BCAS3: variants seen among roughly 807,000 people sequenced by gnomAD.
BCAS3 encodes the protein BCAS3 microtubule associated cell migration factor.
BCAS3 carries 53 observed loss-of-function variants against 116.1 expected under a neutral mutation model. The observed-to-expected ratio is 0.46, with a 90% CI of 0.37 to 0.57. BCAS3 has a LOEUF of 0.57. Among genes scored for constraint, BCAS3 ranks in the 20% least tolerant of loss-of-function variants. The probability of loss-of-function intolerance (pLI) is 0.00; values close to 1 mark genes in which losing one functional copy is unlikely to be tolerated. For missense variants in BCAS3, 917 were observed against 1,165.4 expected (o/e 0.79, Z 3.10); for synonymous variants, 391 against 408.2 (o/e 0.96, Z 0.51).
intron 22 of BCAS3, among the ~76,000 whole-genome samples, chr17:61,190,526 CA>C (rs71148387): frequency 5.3e-3 from 231 of 43,892 alleles, no homozygotes; most frequent in African/African-American, 7.0e-3. Flanking sequence ...GACTCCATCT[CA>C]AAAAAAAAAA....
intron 14 of BCAS3, among the ~76,000 whole-genome samples, chr17:60,979,911 A>G (rs1412418855): frequency 1.3e-5 from 2 of 151,984 alleles, no homozygotes; most frequent in Non-Finnish European, 2.9e-5. Flanking sequence ...TATTTTATTG[A>G]GGATTTTTGC....
chr17:60,845,730 C>T (rs2052455758), intron 7 of BCAS3, among the ~76,000 whole-genome samples: 1 of 151,712 alleles, frequency 6.6e-6, no homozygotes, highest in Non-Finnish European at 1.5e-5. Flanking sequence ...ACCCTGTGTT[C>T]TATTCTCTTG....
At position 61,363,363 on chromosome 17, in the gene BCAS3, A is replaced by G. The variant is rs1272022380; in HGVS notation, c.2426-4964A>G. Among the ~76,000 whole-genome samples, 1 of 152,072 alleles carries G rather than the reference A, an allele frequency of 6.6e-6. No homozygotes were observed. Among genetic ancestry groups the G allele is most frequent in the Non-Finnish European group, 1.5e-5 (1 of 68,008 alleles). ...CGGTAGTTGAGCAGGTAAGACTTGAACTCATTCTTAGAAAATAGTATTCAG... is the reference window on the plus strand; with the variant it reads ...CGGTAGTTGAGCAGGTAAGACTTGAGCTCATTCTTAGAAAATAGTATTCAG... On this transcript the variant is annotated intron_variant, in intron 22 of 23. Coordinates refer to ENST00000407086, the MANE Select transcript of BCAS3 (RefSeq NM_017679.5). This position sits in a 1 kb window ranked among gnomAD's most constrained non-coding sequence, Gnocchi z 4.9.
chr17:61,366,097 C>T lies in BCAS3; in HGVS notation c.2426-2230C>T, dbSNP rs541187297. Among the ~76,000 whole-genome samples the T allele has an allele frequency of 2.0e-5, 3 of 150,624 alleles. No homozygotes were observed. The highest frequency in any genetic ancestry group is 4.4e-5 in the Non-Finnish European group (3 of 67,872). Reference sequence around the variant, plus strand: ...GGCAGAGGTTGCCGTGAGCCAAGATCATACCACTGCACTCCATCCTGGGCG... The same window carrying T: ...GGCAGAGGTTGCCGTGAGCCAAGATTATACCACTGCACTCCATCCTGGGCG... On this transcript the variant is annotated intron_variant, in intron 22 of 23. Coordinates refer to ENST00000407086, the MANE Select transcript of BCAS3 (RefSeq NM_017679.5). This position sits in a 1 kb window ranked among gnomAD's most constrained non-coding sequence, Gnocchi z 4.5.
chr17:60,911,242 C>T lies in BCAS3; in HGVS notation c.993+540C>T, dbSNP rs2058494693. 4.0e-5 allele frequency among the ~76,000 whole-genome samples: 6 copies of T among 148,366 alleles called. No individual in the cohort carries two copies. In the Admixed American group the frequency reaches 4.2e-4, roughly 10 times the overall value. On this transcript the variant is annotated intron_variant, in intron 12 of 23. Transcript: ENST00000407086. ...GATTCAGCGGATTCTCCTGCCTCAG[C>T]CTCCCGAGTAGCTGGGATTATAGGC...
chr17:60,732,595 C>A (rs1196380404), intron 5 of BCAS3, among the ~76,000 whole-genome samples: 1 of 152,066 alleles, frequency 6.6e-6, no homozygotes, highest in Non-Finnish European at 1.5e-5. Context: ...AATCCCAGCA[C>A]TTTGGGAGGC....
chr17:61,249,789 T>C lies in BCAS3; in HGVS notation c.2426-118538T>C, dbSNP rs2048234287. 6.6e-6 allele frequency among the ~76,000 whole-genome samples: 1 copy of C among 151,924 alleles called. No homozygotes were observed. The highest frequency in any genetic ancestry group is 2.1e-4 in the South Asian group (1 of 4,828). On this transcript the variant is annotated intron_variant, in intron 22 of 23. Coordinates refer to ENST00000407086, the MANE Select transcript of BCAS3 (RefSeq NM_017679.5). The surrounding 1 kb of genome is among the most constrained non-coding windows in gnomAD (Gnocchi z 6.2). ...TTGATAATTACTACACCTTAATCTGTTATCTGTCAAAAGGGAAAAAACTTT... is the reference window on the plus strand; with the variant it reads ...TTGATAATTACTACACCTTAATCTGCTATCTGTCAAAAGGGAAAAAACTTT...
At chr17:61,024,286 A>G (rs367742907) in intron 16 of BCAS3, among the ~76,000 whole-genome samples, 1 of 152,200 alleles carries the variant, frequency 6.6e-6, no homozygotes, top group Non-Finnish European at 1.5e-5. Context: ...TGTATATGGC[A>G]GAGGTCTAGC....
intron 7 of BCAS3, among the ~76,000 whole-genome samples, chr17:60,854,059 C>G (rs979060525): frequency 5.9e-5 from 9 of 151,704 alleles, no homozygotes; most frequent in African/African-American, 2.2e-4. Flanking sequence ...CCTCCCCCAA[C>G]CCCACGACAG....
intron 6 of BCAS3, among the ~76,000 whole-genome samples, chr17:60,801,870 C>A (rs983821417): frequency 6.6e-6 from 1 of 152,096 alleles, no homozygotes; most frequent in African/African-American, 2.4e-5. Flanking sequence ...TCTGTTCTCT[C>A]TTTTGGAACT....
chr17:60,944,105 C>A (rs1456993548), intron 13 of BCAS3, among the ~76,000 whole-genome samples: 1 of 151,486 alleles, frequency 6.6e-6, no homozygotes, highest in Admixed American at 6.6e-5. Context: ...GAACCCAAAA[C>A]AAGGAGAATA....
chr17:60,977,748 C>T (rs1166411987), intron 14 of BCAS3, among the ~76,000 whole-genome samples: 3 of 149,922 alleles, frequency 2.0e-5, no homozygotes, highest in South Asian at 4.2e-4. Context: ...TGAGAATATG[C>T]GTGTTTGGCT....
intron 8 of BCAS3, among the ~76,000 whole-genome samples, chr17:60,871,237 T>C (rs1436220973): frequency 2.0e-5 from 3 of 152,208 alleles, no homozygotes; most frequent in Admixed American, 6.5e-5. Context: ...CCATCACGGC[T>C]CACTGCATCC....
intron 6 of BCAS3, among the ~76,000 whole-genome samples, chr17:60,784,097 C>G (rs1170232577): frequency 1.3e-5 from 2 of 152,120 alleles, no homozygotes; most frequent in African/African-American, 4.8e-5. Context: ...TTAAATAATG[C>G]AGTCCAAGCA....
intron 22 of BCAS3, chr17:61,086,648 T>C: frequency 1.0e-6 from 1 of 983,212 alleles, no homozygotes; most frequent in Non-Finnish European, 1.2e-6. Flanking sequence ...TACCCATCTT[T>C]TGAGTAGGAA....
intron 22 of BCAS3, among the ~76,000 whole-genome samples, chr17:61,359,500 G>GTTTT (rs71150609): frequency 7.0e-6 from 1 of 143,028 alleles, no homozygotes. Context: ...TCAAGGTTTT[G>GTTTT]TTTTTTTTTT....
chr17:60,966,539 A>G (rs563811524), intron 14 of BCAS3, among the ~76,000 whole-genome samples: 2 of 152,308 alleles, frequency 1.3e-5, no homozygotes, highest in East Asian at 3.9e-4. Context: ...ACATCTTATA[A>G]TAGATATAAC....
At chr17:60,937,921 T>C (rs556430381) in intron 13 of BCAS3, among the ~76,000 whole-genome samples, 5 of 152,356 alleles carry the variant, frequency 3.3e-5, no homozygotes, top group African/African-American at 1.2e-4. Flanking sequence ...TGTAGATATG[T>C]ATAGATCTTG....
intron 13 of BCAS3, among the ~76,000 whole-genome samples, chr17:60,942,144 G>A (rs1193872762): frequency 6.6e-6 from 1 of 152,170 alleles, no homozygotes; most frequent in African/African-American, 2.4e-5. Context: ...CATTGTTTGA[G>A]GCCGGGTGCG....
Sources: allele counts gnomAD v4.1 joint callset (sites outside exome capture counted in the v4.1 genomes callset), GRCh38; gene constraint gnomAD v4.1.1; non-coding constraint Gnocchi (gnomAD v3.1); transcripts MANE v1.5; gene names NCBI Gene and HGNC (gene_info 2026-07-23, HGNC 2026-07-21).